BMPR1A: variants seen among roughly 807,000 people sequenced by gnomAD.
The protein encoded by BMPR1A is bone morphogenetic protein receptor type 1A, also known as bone morphogenetic protein receptor type-1A.
Under a neutral mutation model 66.0 loss-of-function variants are expected in BMPR1A, and 7 were observed. That is an observed-to-expected ratio of 0.11 (90% CI 0.06 to 0.20). BMPR1A has a LOEUF of 0.20. Ranked by LOEUF, BMPR1A falls within the 10% of genes least tolerant of loss-of-function variation. The pLI is 1.00. For missense variants in BMPR1A, 408 were observed against 669.1 expected (o/e 0.61, Z 4.31); for synonymous variants, 200 against 229.7 (o/e 0.87, Z 1.17).
rs186188712 is a variant in BMPR1A, at chr10:86,899,597, A to G, written c.334-197A>G. Among the ~76,000 whole-genome samples the G allele has an allele frequency of 2.2e-3, 333 of 152,318 alleles. 1 individual carries two copies. The highest frequency in any genetic ancestry group is 3.1e-3 in the Non-Finnish European group (214 of 68,024). The stretch of plus-strand genomic sequence containing the variant: ...TGTCTAACACACCATCCACATAGAT[A>G]TGTTCTTAAGAAAAGCCATTTTGCA... On this transcript the variant is annotated intron_variant, in intron 5 of 12. Transcript: ENST00000372037.
chr10:86,872,699 T>C (rs1221419517), intron 2 of BMPR1A, among the ~76,000 whole-genome samples: 1 of 152,190 alleles, frequency 6.6e-6, no homozygotes, highest in Non-Finnish European at 1.5e-5. Context: ...TTTGCTGTTA[T>C]CTCATTTGGT....
downstream of BMPR1A, chr10:86,931,314 T>TATATATATATATATATATATATATA (rs71019438): frequency 4.7e-5 from 5 of 107,452 alleles, no homozygotes; most frequent in Middle Eastern, 4.2e-3. Flanking sequence ...TATATATATA[T>TATATATATATATATATATATATATA]TCAAGCAATG....
intron 1 of BMPR1A, among the ~76,000 whole-genome samples, chr10:86,760,397 C>G (rs1449926543): frequency 6.6e-6 from 1 of 151,344 alleles, no homozygotes; most frequent in Non-Finnish European, 1.5e-5. Context: ...GGGACCACGC[C>G]TGGCTAATTT....
intron 1 of BMPR1A, among the ~76,000 whole-genome samples, chr10:86,836,944 A>G (rs1485550950): frequency 6.6e-6 from 1 of 152,156 alleles, no homozygotes; most frequent in Non-Finnish European, 1.5e-5. Context: ...AAAAAGAAAA[A>G]GAAGAAAAGG....
intron 2 of BMPR1A, among the ~76,000 whole-genome samples, chr10:86,863,173 T>C (rs901848106): frequency 1.3e-5 from 2 of 152,112 alleles, no homozygotes; most frequent in Non-Finnish European, 2.9e-5. Context: ...AGATGGGGTT[T>C]CACTATGTTA....
intron 2 of BMPR1A, among the ~76,000 whole-genome samples, chr10:86,857,496 A>C (rs1409896040): frequency 6.6e-6 from 1 of 152,238 alleles, no homozygotes; most frequent in East Asian, 1.9e-4. Context: ...ACTTAATGAC[A>C]TGAAACCCTA....
At chr10:86,781,363 G>A (rs181395560) in intron 1 of BMPR1A, among the ~76,000 whole-genome samples, 44 of 152,214 alleles carry the variant, frequency 2.9e-4, no homozygotes, top group African/African-American at 9.6e-4. Flanking sequence ...TAATTTCTGG[G>A]TTCTCTGTTT....
At chr10:86,846,141 G>T (rs985367742) in intron 2 of BMPR1A, among the ~76,000 whole-genome samples, 1 of 152,104 alleles carries the variant, frequency 6.6e-6, no homozygotes, top group Non-Finnish European at 1.5e-5. Flanking sequence ...CCTCAGTTGT[G>T]CTGGCAGTAG....
At chr10:86,873,927 G>A (rs1034675927) in intron 2 of BMPR1A, among the ~76,000 whole-genome samples, 3 of 152,270 alleles carry the variant, frequency 2.0e-5, no homozygotes, top group East Asian at 1.9e-4. Flanking sequence ...TAACATACAC[G>A]TGTAAATGAT....
At chr10:86,841,059 A>G (rs567180229) in intron 2 of BMPR1A, among the ~76,000 whole-genome samples, 42 of 152,334 alleles carry the variant, frequency 2.8e-4, no homozygotes, top group African/African-American at 9.4e-4. Context: ...CCTGTCTGCC[A>G]GAGTAAGGAC....
intron 1 of BMPR1A, among the ~76,000 whole-genome samples, chr10:86,760,545 G>C (rs1413002563): frequency 1.3e-5 from 2 of 151,968 alleles, no homozygotes; most frequent in Non-Finnish European, 2.9e-5. Flanking sequence ...CTTTATAGCA[G>C]TTTTTATACA....
intron 1 of BMPR1A, among the ~76,000 whole-genome samples, chr10:86,837,249 G>GTGTGTGTGTGTC (rs1842364936): frequency 3.4e-5 from 5 of 148,836 alleles, no homozygotes; most frequent in African/African-American, 1.2e-4. Context: ...GTGTGTGTCT[G>GTGTGTGTGTGTC]TGTGTGTGTG....
chr10:86,833,003 G>A (rs566755123), intron 1 of BMPR1A, among the ~76,000 whole-genome samples: 146 of 152,228 alleles, frequency 9.6e-4, no homozygotes, highest in Non-Finnish European at 1.4e-3. Flanking sequence ...CCAGTGACTC[G>A]GGAGACTGAG....
chr10:86,757,999 G>A (rs1397062080), intron 1 of BMPR1A, among the ~76,000 whole-genome samples: 1 of 152,196 alleles, frequency 6.6e-6, no homozygotes, highest in African/African-American at 2.4e-5. Context: ...GTATTTACTT[G>A]TGAGAGGAGT....
chr10:86,912,357 T>C lies in BMPR1A; in HGVS notation c.648T>C (p.Ser216=), dbSNP rs1060504905. 1.2e-6 allele frequency: 2 copies of C among 1,614,084 alleles called. No homozygotes were observed. The highest frequency in any genetic ancestry group is 1.7e-6 in the Non-Finnish European group (2 of 1,179,980). Residue 216 remains serine (S), a synonymous_variant, in exon 8 of 13, where the codon TCT becomes TCC. Coordinates refer to ENST00000372037, the MANE Select transcript of BMPR1A (RefSeq NM_004329.3). ...ACCTTATTGACCAGTCACAAAGTTC[T>C]GGTAGTGGGTCTGGACTACCTTTAT... is the stretch of plus-strand genomic sequence containing the variant. ...LKDLIDQSQS[S]GSGSGLPLLV...
intron 2 of BMPR1A, chr10:86,854,830 C>T: frequency 4.0e-6 from 1 of 251,526 alleles, no homozygotes; most frequent in Non-Finnish European, 8.4e-6. Context: ...TATCTGAGCA[C>T]CTAAAAGGTA....
chr10:86,816,018 A>G (rs963615941), intron 1 of BMPR1A, among the ~76,000 whole-genome samples: 1 of 152,144 alleles, frequency 6.6e-6, no homozygotes, highest in Admixed American at 6.5e-5. Context: ...ATAACTGGAA[A>G]TGGCCCCTGC....
intron 1 of BMPR1A, among the ~76,000 whole-genome samples, chr10:86,816,966 T>A (rs975275276): frequency 2.6e-5 from 4 of 152,232 alleles, no homozygotes. Flanking sequence ...GTTTGCATAT[T>A]AAATAATTCA....
At chr10:86,777,247 C>T (rs1352087364) in intron 1 of BMPR1A, among the ~76,000 whole-genome samples, 1 of 152,098 alleles carries the variant, frequency 6.6e-6, no homozygotes, top group African/African-American at 2.4e-5. Context: ...CCAACTGTGC[C>T]TACTCTACAC....
Sources: allele counts gnomAD v4.1 joint callset (sites outside exome capture counted in the v4.1 genomes callset), GRCh38; gene constraint gnomAD v4.1.1; transcripts MANE v1.5; gene names NCBI Gene and HGNC (gene_info 2026-07-23, HGNC 2026-07-21).